The following ZFYVE21 variants were observed in gnomAD, a reference collection of about 807,000 sequenced individuals.
The protein encoded by ZFYVE21 is zinc finger FYVE-type containing 21.
In ZFYVE21, 21 loss-of-function variants were observed where a neutral mutation model predicts 29.5. The observed-to-expected ratio is 0.71, with a 90% CI of 0.50 to 1.02. The LOEUF (loss-of-function observed/expected upper bound fraction) is 1.02, where lower values mean the gene tolerates loss of function less well. Ranked by LOEUF, ZFYVE21 falls within the 50% of genes least tolerant of loss-of-function variation. ZFYVE21 has a pLI of 0.00. For missense variants in ZFYVE21, 326 were observed against 335.4 expected (o/e 0.97, Z 0.22); for synonymous variants, 151 against 133.8 (o/e 1.13, Z -0.89).
chr14:103,727,382 T>TCCCCCCCCC, intron 2 of ZFYVE21: 1 of 52,302 alleles, frequency 1.9e-5, no homozygotes, highest in South Asian at 1.3e-4. Flanking sequence ...CTCTGCCCCC[T>TCCCCCCCCC]CCGCCCCGTC....
chr14:103,728,248 G>A (rs1393041453), intron 3 of ZFYVE21, among the ~76,000 whole-genome samples: 1 of 152,168 alleles, frequency 6.6e-6, no homozygotes, highest in Admixed American at 6.5e-5. Context: ...GTGGCTCCTC[G>A]GAGGGGCCGG....
At position 103,729,115 on chromosome 14, in the gene ZFYVE21, C is replaced by T. The variant is rs142389734; in HGVS notation, c.459C>T (p.Ser153=). ...GATACTTGTTTCTGGATGGAGACAG[C>T]CACTATGAAATCGAAATTGTACACA... ...NQRYLFLDGD[S]HYEIEIVHIS... The change falls in exon 5 of 7, where the codon AGC becomes AGT. Residue 153 remains serine (S), a synonymous_variant. Coordinates refer to ENST00000311141, the MANE Select transcript of ZFYVE21 (RefSeq NM_024071.4). 3.8e-5 allele frequency: 62 copies of T among 1,614,048 alleles called. No individual in the cohort carries two copies. Among genetic ancestry groups the T allele is most frequent in the Non-Finnish European group, 5.2e-5 (61 of 1,180,016 alleles).
At position 103,718,606 on chromosome 14, in the gene ZFYVE21, C is replaced by T. The variant is rs575542560; in HGVS notation, c.138+2627C>T. On this transcript the variant is annotated intron_variant, in intron 1 of 6. Transcript: ENST00000311141. ...GGGTGTGAAGGAAGCTTCAGATGATCTCTGGGGCTTGTCTGACTCTGCCAT... is the reference window on the plus strand; with the variant it reads ...GGGTGTGAAGGAAGCTTCAGATGATTTCTGGGGCTTGTCTGACTCTGCCAT... Among the ~76,000 whole-genome samples the T allele has an allele frequency of 2.0e-5, 3 of 152,306 alleles. No individual in the cohort carries two copies. The South Asian group carries it at 6.2e-4, about 32-fold the overall frequency.
chr14:103,727,931 T>C lies in ZFYVE21; in HGVS notation c.358+17T>C. On this transcript the variant is annotated intron_variant, in intron 3 of 6. Transcript: ENST00000311141. ...TCCTGAGCGGTAAGGACGGGTGTCC[T>C]GCACAGTCCCGCGCGCTCCGCCAGC... 1.3e-6 allele frequency: 2 copies of C among 1,592,334 alleles called. No homozygotes were observed. Among genetic ancestry groups the C allele is most frequent in the Non-Finnish European group, 1.7e-6 (2 of 1,164,272 alleles).
chr14:103,729,867 CG>C lies in ZFYVE21; in HGVS notation c.526+689del, dbSNP rs907394443. ...TGAAGGTCAGCCTCTTCCTCCTCAC[CG>C]GGGCTCCCCGCATGCAGCGGGCCCG... On this transcript the variant is annotated intron_variant, in intron 5 of 6. Coordinates refer to ENST00000311141, the MANE Select transcript of ZFYVE21 (RefSeq NM_024071.4). 175 of 1,535,898 alleles carry C rather than the reference CG, an allele frequency of 1.1e-4. No individual in the cohort carries two copies. The African/African-American group carries it at 2.0e-3, about 18-fold the overall frequency.
At chr14:103,726,290 C>G (rs577165416) in intron 1 of ZFYVE21, 1 of 153,042 alleles carries the variant, frequency 6.5e-6, no homozygotes, top group South Asian at 2.1e-4. Context: ...GCGCGCAGCC[C>G]CAGAATCAGC....
rs978326582 is a variant in ZFYVE21 at position 103,716,674 on chromosome 14, A to C, written c.138+695A>C. ...GCACCCGTTTCCCATGGGCCCAGAC[A>C]CGGCAGGAGTTGCCCAGGCCACTCC... On this transcript the variant is annotated intron_variant, in intron 1 of 6. Coordinates refer to ENST00000311141, the MANE Select transcript of ZFYVE21 (RefSeq NM_024071.4). This position sits in a 1 kb window ranked among gnomAD's most constrained non-coding sequence, Gnocchi z 4.8. Among the ~76,000 whole-genome samples, 1 of 152,204 alleles carries C rather than the reference A, an allele frequency of 6.6e-6. No individual in the cohort carries two copies. The highest frequency in any genetic ancestry group is 1.5e-5 in the Non-Finnish European group (1 of 68,022).
At chr14:103,718,352 C>T (rs919407419) in intron 1 of ZFYVE21, among the ~76,000 whole-genome samples, 14 of 152,130 alleles carry the variant, frequency 9.2e-5, no homozygotes, top group African/African-American at 2.7e-4. Flanking sequence ...CAGTTTGGGC[C>T]CATGAGGGTT....
intron 5 of ZFYVE21, 189 bp downstream of exon 5, chr14:103,729,371 A>G: frequency 8.2e-6 from 5 of 607,088 alleles, no homozygotes; most frequent in Non-Finnish European, 1.4e-5. Context: ...TCGCCAGGTG[A>G]GTGGAGACTT....
At position 103,716,452 on chromosome 14, in the gene ZFYVE21, G is replaced by T. The variant is rs1004450454; in HGVS notation, c.138+473G>T. 2.1e-4 allele frequency among the ~76,000 whole-genome samples: 32 copies of T among 152,188 alleles called. No individual in the cohort carries two copies. Among genetic ancestry groups the T allele is most frequent in the East Asian group, 1.9e-4 (1 of 5,174 alleles). On this transcript the variant is annotated intron_variant, in intron 1 of 6. Coordinates refer to ENST00000311141, the MANE Select transcript of ZFYVE21 (RefSeq NM_024071.4). This position sits in a 1 kb window ranked among gnomAD's most constrained non-coding sequence, Gnocchi z 4.8. The stretch of plus-strand genomic sequence containing the variant: ...CGCTGGAGCTGGCGGCCCCGCAGGG[G>T]TCCCTCCCGGGAACCGGGGGAGGCG...
chr14:103,727,646 G>A (rs1417544223), intron 2 of ZFYVE21, 100 bp from the exon 3 acceptor site: 2 of 1,497,184 alleles, frequency 1.3e-6, no homozygotes, highest in African/African-American at 1.4e-5. Context: ...GGGGCCTCGC[G>A]TTTAGGCGTG....
intron 2 of ZFYVE21, chr14:103,727,127 G>T (rs929088296): frequency 1.1e-4 from 43 of 388,788 alleles, no homozygotes; most frequent in African/African-American, 8.0e-4. Flanking sequence ...TATATTTTTA[G>T]TAGAGATGGG....
chr14:103,729,882 G>A, intron 5 of ZFYVE21: 5 of 1,534,752 alleles, frequency 3.3e-6, no homozygotes, highest in Non-Finnish European at 2.6e-6. Context: ...CTCCCCGCAT[G>A]CAGCGGGCCC....
rs774491958 is a variant in ZFYVE21 at position 103,733,254 on chromosome 14, G to A, written c.*236G>A. 3.7e-5 allele frequency: 18 copies of A among 482,200 alleles called. No homozygotes were observed. Among genetic ancestry groups the A allele is most frequent in the Non-Finnish European group, 6.2e-5 (17 of 276,322 alleles). The allele number at this position is 482,200 out of a possible 1,614,324, so 29.9% of individuals were successfully genotyped here. On this transcript the variant is annotated 3_prime_UTR_variant, in exon 7 of 7. Coordinates refer to ENST00000311141, the MANE Select transcript of ZFYVE21 (RefSeq NM_024071.4). The stretch of plus-strand genomic sequence containing the variant: ...ATTTGTGTATTGTCAATACTTAATT[G>A]GGGGTGGGAGAGACTGAGCTACACT...
intron 5 of ZFYVE21, chr14:103,732,004 A>G (rs980849896): frequency 6.6e-6 from 1 of 152,298 alleles, no homozygotes; most frequent in Non-Finnish European, 1.5e-5. Flanking sequence ...CCAGTCCCCA[A>G]CATGGGTGCT....
At position 103,733,230 on chromosome 14, in the gene ZFYVE21, T is replaced by G. The variant is rs1410558855; in HGVS notation, c.*212T>G. Reference sequence around the variant, plus strand: ...CTTTAAACAGCTTCATGTTTTAGAATTTGTGTATTGTCAATACTTAATTGG... The same window carrying G: ...CTTTAAACAGCTTCATGTTTTAGAAGTTGTGTATTGTCAATACTTAATTGG... On this transcript the variant is annotated 3_prime_UTR_variant, in exon 7 of 7. Coordinates refer to ENST00000311141, the MANE Select transcript of ZFYVE21 (RefSeq NM_024071.4). 2 of 622,994 alleles carry G rather than the reference T, an allele frequency of 3.2e-6. No homozygotes were observed. The highest frequency in any genetic ancestry group is 1.9e-5 in the African/African-American group (1 of 53,968). The allele number at this position is 622,994 out of a possible 1,614,324, so 38.6% of individuals were successfully genotyped here.
Position 103,726,531 on chromosome 14 carries a change from C to T in ZFYVE21, c.139-261C>T, listed in dbSNP as rs73363093. The T allele has an allele frequency of 4.5e-3, 2,109 of 471,374 alleles. 34 individuals are homozygous for T. Among genetic ancestry groups the T allele is most frequent in the African/African-American group, 0.037 (1,861 of 49,940 alleles). The allele number at this position is 471,374 out of a possible 1,614,324, so 29.2% of individuals were successfully genotyped here. On this transcript the variant is annotated intron_variant, in intron 1 of 6. Transcript: ENST00000311141. ...ATGCTCTGCTGCGAGACAGTCAAAC[C>T]CCAAGCCCACCTCAGGCCCCATGGT...
intron 2 of ZFYVE21, chr14:103,727,140 T>G (rs909097421): frequency 5.4e-6 from 2 of 371,576 alleles, no homozygotes; most frequent in Non-Finnish European, 5.0e-6. Context: ...GAGATGGGGT[T>G]TCACCATGTT....
intron 5 of ZFYVE21, 194 bp from the exon 6 acceptor site, chr14:103,732,421 CCACCT>C: frequency 3.7e-6 from 2 of 541,150 alleles, no homozygotes; most frequent in Non-Finnish European, 5.9e-6. Flanking sequence ...CTCTCCCACC[CCACCT>C]GTGAGCTTGG....
Sources: gnomAD v4.1 joint callset for allele counts (sites outside exome capture counted in the v4.1 genomes callset) on GRCh38, gnomAD v4.1.1 for gene constraint, Gnocchi (gnomAD v3.1) non-coding constraint, MANE v1.5 for transcripts, NCBI Gene and HGNC (gene_info 2026-07-23, HGNC 2026-07-21) for gene names.